The following PCDH15 variants were observed in gnomAD, a reference collection of about 807,000 sequenced individuals.
PCDH15 encodes protocadherin related 15, also known as protocadherin-15.
Under a neutral mutation model 178.5 loss-of-function variants are expected in PCDH15, and 129 were observed. The observed-to-expected ratio is 0.72, with a 90% CI of 0.63 to 0.84. The LOEUF is 0.84. Ranked by LOEUF, PCDH15 falls within the 40% of genes least tolerant of loss-of-function variation. The pLI, the probability that PCDH15 is intolerant of heterozygous loss-of-function variation, is 0.00. For synonymous variants in PCDH15, 800 were observed against 732.0 expected, an observed-to-expected ratio of 1.09 and a Z score of -1.50; for missense variants, 2,230 against 2,099.9, an observed-to-expected ratio of 1.06 and a Z score of -1.21.
chr10:54,411,901 C>G (rs1178160909), intron 3 of PCDH15, among the ~76,000 whole-genome samples: 1 of 152,126 alleles, frequency 6.6e-6, no homozygotes, highest in Non-Finnish European at 1.5e-5. Context: ...AATTTATTCT[C>G]TTTTACTCCT....
chr10:54,433,564 G>A lies in PCDH15; in HGVS notation c.158-54622C>T, dbSNP rs1320587890. 2.0e-5 allele frequency among the ~76,000 whole-genome samples: 3 copies of A among 152,244 alleles called. No individual in the cohort carries two copies. In the East Asian group the frequency reaches 5.8e-4, roughly 29 times the overall value. Reference sequence around the variant, plus strand: ...TAGAAGCCTTGGAAGGGTAGTTGGGGGTGGAGGGAGGTGGTTAATGGATAT... The same window carrying A: ...TAGAAGCCTTGGAAGGGTAGTTGGGAGTGGAGGGAGGTGGTTAATGGATAT... On this transcript the variant is annotated intron_variant, in intron 3 of 37. Coordinates refer to ENST00000644397, the MANE Select transcript of PCDH15 (RefSeq NM_001384140.1).
intron 2 of PCDH15, among the ~76,000 whole-genome samples, chr10:54,990,146 C>T (rs1404704990): frequency 1.3e-5 from 2 of 152,170 alleles, no homozygotes; most frequent in South Asian, 2.1e-4. Context: ...TTATCAGCAG[C>T]ATGAAAGCAG....
chr10:54,006,279 A>G (rs1426529316), intron 20 of PCDH15, among the ~76,000 whole-genome samples: 1 of 152,208 alleles, frequency 6.6e-6, no homozygotes, highest in African/African-American at 2.4e-5. Flanking sequence ...AATATAAAGA[A>G]CACACCAATA....
chr10:54,491,343 AGAAAT>A, intron 3 of PCDH15, among the ~76,000 whole-genome samples: 1 of 151,856 alleles, frequency 6.6e-6, no homozygotes. Flanking sequence ...AAAAAAAAAA[AGAAAT>A]GAAACTCCAA....
intron 3 of PCDH15, among the ~76,000 whole-genome samples, chr10:54,385,783 T>C (rs1949844771): frequency 6.6e-6 from 1 of 152,204 alleles, no homozygotes; most frequent in Non-Finnish European, 1.5e-5. Flanking sequence ...TTAAATAAGA[T>C]TCTTTCAGGT....
chr10:53,968,435 G>C (rs1210550040), intron 21 of PCDH15, among the ~76,000 whole-genome samples: 1 of 152,198 alleles, frequency 6.6e-6, no homozygotes, highest in Non-Finnish European at 1.5e-5. Flanking sequence ...GCAGGGCAGA[G>C]CTGAACAAAA....
At chr10:55,583,055 T>G (rs527595178) in intron 2 of PCDH15, among the ~76,000 whole-genome samples, 6 of 152,316 alleles carry the variant, frequency 3.9e-5, no homozygotes, top group African/African-American at 1.4e-4. Context: ...CATCAAGATT[T>G]ATTTACATTT....
Position 55,595,868 on chromosome 10 carries a change from T to A in PCDH15, c.-156+31757A>T, listed in dbSNP as rs1432759595. On this transcript the variant is annotated intron_variant, in intron 2 of 5. Transcript: ENST00000613346. The stretch of plus-strand genomic sequence containing the variant: ...TAAAATAATTTTAGAAATACCATTC[T>A]TCTATGAAATAAGTAAGCTCAGTCA... Among the ~76,000 whole-genome samples the A allele has an allele frequency of 5.9e-5, 9 of 152,268 alleles. No individual in the cohort carries two copies. The East Asian group carries it at 1.7e-3, about 29-fold the overall frequency.
chr10:55,211,495 T>C (rs1166984546), intron 1 of PCDH15, among the ~76,000 whole-genome samples: 3 of 152,108 alleles, frequency 2.0e-5, no homozygotes, highest in Non-Finnish European at 2.9e-5. Flanking sequence ...GAAATTCACA[T>C]AGAGCTATCA....
At chr10:55,190,983 C>A (rs563710472) in intron 1 of PCDH15, among the ~76,000 whole-genome samples, 157 of 151,718 alleles carry the variant, frequency 1.0e-3, no homozygotes, top group Admixed American at 1.6e-3. Context: ...CTTATTTTGA[C>A]AGATGTCTTA....
rs77145604 is a variant in PCDH15 at position 55,280,250 on chromosome 10, G to C, written c.-156+39349C>G. 1.0e-3 allele frequency among the ~76,000 whole-genome samples: 150 copies of C among 149,650 alleles called. 1 individual carries two copies. In the East Asian group the frequency reaches 0.021, roughly 21 times the overall value. On this transcript the variant is annotated intron_variant, in intron 1 of 5. Coordinates refer to the PCDH15 transcript ENST00000458638. ...AAAGACAAAAGCTGTGCTATGGAAAGGATGGGGTTATTTTGATTCTTTTTT... is the reference window on the plus strand; with the variant it reads ...AAAGACAAAAGCTGTGCTATGGAAACGATGGGGTTATTTTGATTCTTTTTT...
chr10:55,058,908 C>G (rs1057029381), intron 2 of PCDH15, among the ~76,000 whole-genome samples: 1 of 152,042 alleles, frequency 6.6e-6, no homozygotes, highest in Non-Finnish European at 1.5e-5. Flanking sequence ...TGTTTGATTC[C>G]CAGAGTAGCT....
intron 14 of PCDH15, among the ~76,000 whole-genome samples, chr10:54,139,075 C>T (rs1012879859): frequency 1.3e-5 from 2 of 151,790 alleles, no homozygotes; most frequent in Non-Finnish European, 2.9e-5. Context: ...TACATTTTTG[C>T]TGAGTTTTAT....
intron 2 of PCDH15, chr10:54,655,861 A>G (rs781393327): frequency 6.6e-6 from 1 of 152,220 alleles, no homozygotes; most frequent in Non-Finnish European, 1.5e-5. Context: ...CTGAGATTTC[A>G]TATGAAGATA....
intron 35 of PCDH15, among the ~76,000 whole-genome samples, chr10:53,812,055 T>TAACA (rs1166794192): frequency 6.6e-6 from 1 of 152,164 alleles, no homozygotes; most frequent in Non-Finnish European, 1.5e-5. Context: ...ATCTCCCCAC[T>TAACA]AACAGTTTTC....
chr10:54,771,801 T>G (rs1446230761), intron 1 of PCDH15, among the ~76,000 whole-genome samples: 4 of 152,158 alleles, frequency 2.6e-5, no homozygotes, highest in African/African-American at 9.7e-5. Context: ...TCTTAAAATT[T>G]TCAAAAGACA....
At chr10:54,930,804 G>T (rs1265025777) in intron 2 of PCDH15, among the ~76,000 whole-genome samples, 1 of 152,108 alleles carries the variant, frequency 6.6e-6, no homozygotes, top group East Asian at 1.9e-4. Flanking sequence ...TAGGAATTCA[G>T]TTAATAGTTC....
At chr10:55,054,379 AG>A (rs1231543204) in intron 2 of PCDH15, among the ~76,000 whole-genome samples, 1 of 152,198 alleles carries the variant, frequency 6.6e-6, no homozygotes, top group Non-Finnish European at 1.5e-5. Flanking sequence ...ATGGCTGCAT[AG>A]TACTCCATAG....
At chr10:54,472,196 C>CA (rs200182440) in intron 3 of PCDH15, among the ~76,000 whole-genome samples, 27 of 149,248 alleles carry the variant, frequency 1.8e-4, no homozygotes, top group East Asian at 1.6e-3. Flanking sequence ...TGTTCTGCTG[C>CA]AAAAAATGTT....
Sources: gnomAD v4.1 joint callset for allele counts (sites outside exome capture counted in the v4.1 genomes callset) on GRCh38, gnomAD v4.1.1 for gene constraint, MANE v1.5 for transcripts, NCBI Gene and HGNC (gene_info 2026-07-23, HGNC 2026-07-21) for gene names.